Variants in PTPRU observed in about 807,000 individuals in gnomAD.
PTPRU encodes the protein receptor-type tyrosine-protein phosphatase U.
PTPRU carries 69 observed loss-of-function variants against 166.3 expected under a neutral mutation model. That is an observed-to-expected ratio of 0.41 (90% CI 0.34 to 0.51). The LOEUF is 0.51. PTPRU is among the 20% of genes least tolerant of loss of function. The probability of loss-of-function intolerance (pLI) is 0.09; values close to 1 mark genes in which losing one functional copy is unlikely to be tolerated. For missense variants in PTPRU, 1,657 were observed against 2,013.7 expected, an observed-to-expected ratio of 0.82 and a Z score of 3.39; for synonymous variants, 793 against 814.0, an observed-to-expected ratio of 0.97 and a Z score of 0.44.
chr1:29,253,099 A>C (rs1035816836), intron 1 of PTPRU, among the ~76,000 whole-genome samples: 2 of 152,224 alleles, frequency 1.3e-5, no homozygotes, highest in Non-Finnish European at 2.9e-5. Flanking sequence ...TTAACTGGTT[A>C]ATTATAAAGG....
chr1:29,325,513 T>G, intron 29 of PTPRU, 86 bp from the exon 30 acceptor site: 5 of 1,521,846 alleles, frequency 3.3e-6, no homozygotes, highest in Non-Finnish European at 3.6e-6. Flanking sequence ...GGCTCGTGCT[T>G]GCCCTCTCAC....
Position 29,326,163 on chromosome 1 carries a change from T to A in PTPRU, c.*502T>A, listed in dbSNP as rs1062921. The A allele has an allele frequency of 0.12, 38,240 of 329,954 alleles. 2,625 individuals carry two copies. The highest frequency in any genetic ancestry group is 0.22 in the Middle Eastern group (273 of 1,268). The allele number at this position is 329,954 out of a possible 1,614,324, so 20.4% of individuals were successfully genotyped here. A position where few individuals can be genotyped will look rare whatever the true frequency, so the allele number is the denominator to read the frequency against. On this transcript the variant is annotated 3_prime_UTR_variant, in exon 30 of 30. Coordinates refer to ENST00000373779, the MANE Select transcript of PTPRU (RefSeq NM_133178.4). ...CCCCTGAAGGTCCTGGGGAAGCAGG[T>A]CTCAATTCTGAATAGCCAGTGGGGC... is the stretch of plus-strand genomic sequence containing the variant.
In PTPRU at chr1:29,317,388, G is replaced by T. The variant is rs1687946572; in HGVS notation, c.3514-360G>T. 6.6e-6 allele frequency among the ~76,000 whole-genome samples: 1 copy of T among 152,130 alleles called. No individual in the cohort carries two copies. The highest frequency in any genetic ancestry group is 1.5e-5 in the Non-Finnish European group (1 of 68,022). On this transcript the variant is annotated intron_variant, in intron 24 of 29. Transcript: ENST00000373779. The surrounding 1 kb of genome is among the most constrained non-coding windows in gnomAD (Gnocchi z 5.6). ...GTAAAGTTCCTCACTGTGCCCGTGTGTGCCGAGCTCAGCCCAGTGCTTGTC... is the reference window on the plus strand; with the variant it reads ...GTAAAGTTCCTCACTGTGCCCGTGTTTGCCGAGCTCAGCCCAGTGCTTGTC...
intron 15 of PTPRU, among the ~76,000 whole-genome samples, chr1:29,301,122 A>G (rs1687113618): frequency 6.6e-6 from 1 of 152,180 alleles, no homozygotes; most frequent in African/African-American, 2.4e-5. Flanking sequence ...AGATCTGGGC[A>G]GAGATTGGCT....
At chr1:29,261,593 G>A (rs1342802000) in intron 7 of PTPRU, among the ~76,000 whole-genome samples, 1 of 152,116 alleles carries the variant, frequency 6.6e-6, no homozygotes, top group Non-Finnish European at 1.5e-5. Context: ...ACAGTGGCGC[G>A]ATCTTGGTTC....
At chr1:29,310,351 G>GATCTA (rs1687590494) in intron 18 of PTPRU, among the ~76,000 whole-genome samples, 1 of 152,086 alleles carries the variant, frequency 6.6e-6, no homozygotes, top group African/African-American at 2.4e-5. Flanking sequence ...CCACGTGTGG[G>GATCTA]ATCTGGGTTG....
At chr1:29,319,498 G>A (rs979009617) in intron 25 of PTPRU, among the ~76,000 whole-genome samples, 1 of 152,172 alleles carries the variant, frequency 6.6e-6, no homozygotes, top group Admixed American at 6.5e-5. Context: ...CCCTGAACTC[G>A]TCAGTGAGGG....
intron 8 of PTPRU, among the ~76,000 whole-genome samples, chr1:29,277,858 G>T (rs1287773018): frequency 1.2e-5 from 1 of 84,360 alleles, no homozygotes; most frequent in Non-Finnish European, 2.3e-5. Context: ...TTGTTCTGTT[G>T]CCCAGGCTGG....
Position 29,258,656 on chromosome 1 carries a change from C to T in PTPRU, c.357C>T (p.Val119=). The T allele has an allele frequency of 6.2e-7, 1 of 1,614,252 alleles. No homozygotes were observed. ...RDGHSPGTLG[V]YVRVNGGPLG... ...GGCACAGCCCGGGCACCCTGGGCGTCTACGTGCGCGTTAATGGGGGCCCCC... is the reference window on the plus strand; with the variant it reads ...GGCACAGCCCGGGCACCCTGGGCGTTTACGTGCGCGTTAATGGGGGCCCCC... Residue 119 remains valine, a synonymous_variant, in exon 3 of 30, where the codon GTC becomes GTT. Coordinates refer to ENST00000373779, the MANE Select transcript of PTPRU (RefSeq NM_133178.4).
chr1:29,298,130 C>T (rs1479963714), intron 15 of PTPRU, among the ~76,000 whole-genome samples: 2 of 151,988 alleles, frequency 1.3e-5, no homozygotes, highest in Admixed American at 6.6e-5. Flanking sequence ...TGGTGGCAGG[C>T]ACCTGTAATC....
At chr1:29,265,373 T>C (rs893612561) in intron 7 of PTPRU, among the ~76,000 whole-genome samples, 1 of 152,162 alleles carries the variant, frequency 6.6e-6, no homozygotes, top group African/African-American at 2.4e-5. Flanking sequence ...TTTTCCTCTT[T>C]TTTTTTTGAG....
chr1:29,273,862 A>G (rs1303073587), intron 7 of PTPRU, among the ~76,000 whole-genome samples: 3 of 152,120 alleles, frequency 2.0e-5, no homozygotes, highest in Non-Finnish European at 4.4e-5. Context: ...GGTTAAGAGC[A>G]TGGATTTCGG....
In PTPRU at chr1:29,279,962, T is replaced by C. The variant is rs1305964530; in HGVS notation, c.1766-77T>C. 2.8e-6 allele frequency: 4 copies of C among 1,411,274 alleles called. No homozygotes were observed. Among genetic ancestry groups the C allele is most frequent in the African/African-American group, 1.4e-5 (1 of 70,712 alleles). The allele number at this position is 1,411,274 out of a possible 1,614,324, so 87.4% of individuals were successfully genotyped here. On this transcript the variant is annotated intron_variant, in intron 10 of 29. Transcript: ENST00000373779. The surrounding 1 kb of genome is among the most constrained non-coding windows in gnomAD (Gnocchi z 5.2). ...TGAAGTAGGGGAGATCTGAGGACTG[T>C]GGTCAAGGAGGCTGGAAGCCTGGTC...
In PTPRU at chr1:29,315,445, G is replaced by A; in HGVS notation, c.3301G>A (p.Val1101Met). 3 of 1,614,208 alleles carry A rather than the reference G, an allele frequency of 1.9e-6. No homozygotes were observed. The highest frequency in any genetic ancestry group is 2.7e-5 in the African/African-American group (2 of 75,052). The stretch of plus-strand genomic sequence containing the variant: ...GGACATGGCAGAGTGTGAGGGCGTC[G>A]TGGACATTTACAACTGTGTGAAGAC... ...MLDMAECEGV[V>M]DIYNCVKTLC... Residue 1101 changes from valine to methionine, a missense_variant, in exon 23 of 30, where the codon GTG (valine) becomes ATG (methionine). By Grantham distance (21) the Val-to-Met change is conservative (BLOSUM62 1). Transcript: ENST00000373779. This position sits in a 1 kb window ranked among gnomAD's most constrained non-coding sequence, Gnocchi z 4.5.
At chr1:29,266,619 C>G (rs567524073) in intron 7 of PTPRU, among the ~76,000 whole-genome samples, 1 of 152,088 alleles carries the variant, frequency 6.6e-6, no homozygotes, top group Non-Finnish European at 1.5e-5. Flanking sequence ...GCTTCAGTCC[C>G]CCTGTTTTAC....
chr1:29,323,011 G>T (rs1688230999), intron 26 of PTPRU, among the ~76,000 whole-genome samples: 1 of 151,982 alleles, frequency 6.6e-6, no homozygotes, highest in South Asian at 2.1e-4. Context: ...GAGGTTCTGG[G>T]GTGGGTGGGA....
intron 29 of PTPRU, 122 bp downstream of exon 29, chr1:29,325,448 G>A: frequency 6.6e-7 from 1 of 1,515,900 alleles, no homozygotes; most frequent in Non-Finnish European, 9.1e-7. Flanking sequence ...TAGCCCTGTG[G>A]TCCTAAAACA....
chr1:29,278,794 T>C (rs966645460), intron 8 of PTPRU, among the ~76,000 whole-genome samples: 4 of 152,256 alleles, frequency 2.6e-5, no homozygotes, highest in African/African-American at 9.6e-5. Context: ...CATATGCAAT[T>C]GCTGATGTTT....
chr1:29,289,775 G>A lies in PTPRU; in HGVS notation c.2319-2094G>A, dbSNP rs115249785. 2,277 of 1,576,196 alleles carry A rather than the reference G, an allele frequency of 1.4e-3. 31 individuals carry two copies. The African/African-American group carries it at 0.026, about 18-fold the overall frequency. Reference sequence around the variant, plus strand: ...GCCTAGGGGGAGATCCCCTGTCCCCGCCTTCTCTGGTTGGGCTTAGTCTCG... The same window carrying A: ...GCCTAGGGGGAGATCCCCTGTCCCCACCTTCTCTGGTTGGGCTTAGTCTCG... On this transcript the variant is annotated intron_variant, in intron 14 of 29. Transcript: ENST00000373779.
Sources: gnomAD v4.1 joint callset for allele counts (sites outside exome capture counted in the v4.1 genomes callset) on GRCh38, gnomAD v4.1.1 for gene constraint, Gnocchi (gnomAD v3.1) non-coding constraint, MANE v1.5 for transcripts, NCBI Gene and HGNC (gene_info 2026-07-23, HGNC 2026-07-21) for gene names.